Variants in RNF130 observed in about 807,000 individuals in gnomAD.
RNF130 encodes the protein ring finger protein 130, also known as E3 ubiquitin-protein ligase RNF130.
Under a neutral mutation model 44.6 loss-of-function variants are expected in RNF130, and 21 were observed. That is an observed-to-expected ratio of 0.47 (90% confidence interval 0.33 to 0.68). RNF130 has a LOEUF of 0.68. RNF130 is among the 30% of genes least tolerant of loss of function. RNF130 has a pLI of 0.02. For missense variants in RNF130, 479 were observed against 560.6 expected (o/e 0.85, Z 1.47); for synonymous variants, 214 against 210.4 (o/e 1.02, Z -0.15).
At chr5:180,021,279 C>T (rs567962564) in intron 2 of RNF130, among the ~76,000 whole-genome samples, 35 of 152,270 alleles carry the variant, frequency 2.3e-4, no homozygotes, top group African/African-American at 7.7e-4. Context: ...TGAGCCACTG[C>T]GCCTGGCCAA....
chr5:179,941,521 T>C (rs1235374083), intron 7 of RNF130, among the ~76,000 whole-genome samples: 1 of 152,078 alleles, frequency 6.6e-6, no homozygotes, highest in African/African-American at 2.4e-5. Context: ...CCGAGTTTCA[T>C]CTCACAAGCC....
At chr5:179,938,905 G>A (rs935024708) in intron 7 of RNF130, among the ~76,000 whole-genome samples, 3 of 152,070 alleles carry the variant, frequency 2.0e-5, no homozygotes, top group Non-Finnish European at 4.4e-5. Flanking sequence ...GTACAATCTT[G>A]TCCTACCACT....
chr5:179,940,405 G>A (rs1761955293), intron 7 of RNF130, among the ~76,000 whole-genome samples: 1 of 151,914 alleles, frequency 6.6e-6, no homozygotes, highest in Admixed American at 6.6e-5. Context: ...ATTTTTAGTA[G>A]AGATGGGGTT....
intron 4 of RNF130, among the ~76,000 whole-genome samples, chr5:179,979,101 A>G (rs1762774947): frequency 6.6e-6 from 1 of 151,934 alleles, no homozygotes; most frequent in Non-Finnish European, 1.5e-5. Flanking sequence ...ACAAAGTCAG[A>G]TGGGTAGGTT....
At chr5:179,963,623 G>A in intron 7 of RNF130, 59 bp from the exon 8 acceptor site, 1 of 1,192,272 alleles carries the variant, frequency 8.4e-7, no homozygotes, top group African/African-American at 1.5e-5. Flanking sequence ...TCAAATCGAT[G>A]CCAACATTTC....
At chr5:180,015,234 G>A (rs200792842) in intron 2 of RNF130, 106 of 448,808 alleles carry the variant, frequency 2.4e-4, no homozygotes, top group Non-Finnish European at 3.8e-4. Context: ...ACAAAATAAT[G>A]CTAAACCGCT....
At chr5:180,006,622 T>A (rs904662344) in intron 3 of RNF130, among the ~76,000 whole-genome samples, 5 of 152,238 alleles carry the variant, frequency 3.3e-5, no homozygotes, top group Non-Finnish European at 7.3e-5. Flanking sequence ...CAGGAGTCCA[T>A]TAAGTGGCAG....
intron 2 of RNF130, among the ~76,000 whole-genome samples, chr5:180,034,478 A>C (rs1764204188): frequency 6.6e-6 from 1 of 152,220 alleles, no homozygotes; most frequent in Non-Finnish European, 1.5e-5. Context: ...TGCACCAGCG[A>C]ATTTCATGGG....
intron 5 of RNF130, among the ~76,000 whole-genome samples, chr5:179,975,190 G>A (rs149534138): frequency 2.1e-4 from 32 of 152,384 alleles, no homozygotes; most frequent in Admixed American, 1.2e-3. Context: ...CAATAGGGGC[G>A]GGGAGGCGTC....
At chr5:180,061,285 A>C (rs1440242656) in intron 1 of RNF130, among the ~76,000 whole-genome samples, 1 of 152,130 alleles carries the variant, frequency 6.6e-6, no homozygotes, top group Non-Finnish European at 1.5e-5. Flanking sequence ...AAACCACAAC[A>C]ACTGACGTGA....
In RNF130 at chr5:179,977,784, G is replaced by A. The variant is rs1361226822; in HGVS notation, c.848+419C>T. ...GGAGAATGGCATGAACCCAGGAGGCGGAGCTTGCAGTGAGCCGAGATTGCG... is the reference window on the plus strand; with the variant it reads ...GGAGAATGGCATGAACCCAGGAGGCAGAGCTTGCAGTGAGCCGAGATTGCG... On this transcript the variant is annotated intron_variant, in intron 5 of 8. Transcript: ENST00000521389. This position sits in a 1 kb window ranked among gnomAD's most constrained non-coding sequence, Gnocchi z 4.1. 1.3e-5 allele frequency among the ~76,000 whole-genome samples: 2 copies of A among 152,166 alleles called. No homozygotes were observed. Among genetic ancestry groups the A allele is most frequent in the African/African-American group, 2.4e-5 (1 of 41,444 alleles).
chr5:180,015,804 C>A (rs931197273), intron 2 of RNF130, among the ~76,000 whole-genome samples: 1 of 150,892 alleles, frequency 6.6e-6, no homozygotes, highest in Non-Finnish European at 1.5e-5. Context: ...CCAAGGAAAC[C>A]AATCCATGTG....
chr5:179,969,153 T>C (rs1421097630), intron 6 of RNF130, among the ~76,000 whole-genome samples: 9 of 152,196 alleles, frequency 5.9e-5, no homozygotes, highest in African/African-American at 2.2e-4. Flanking sequence ...CCAGAAACTA[T>C]GTTATTTTCC....
At chr5:180,061,381 C>T (rs772665362) in intron 1 of RNF130, among the ~76,000 whole-genome samples, 61 of 152,318 alleles carry the variant, frequency 4.0e-4, no homozygotes, top group African/African-American at 1.1e-3. Context: ...CTGTGTTCAA[C>T]GCTGGGATTC....
intron 2 of RNF130, among the ~76,000 whole-genome samples, chr5:180,030,045 A>C (rs1404292943): frequency 6.6e-6 from 1 of 151,786 alleles, no homozygotes; most frequent in Non-Finnish European, 1.5e-5. Flanking sequence ...ATGAGGTTTC[A>C]TCATGTTGGC....
chr5:179,988,928 T>C (rs1763015223), intron 3 of RNF130, among the ~76,000 whole-genome samples: 1 of 152,212 alleles, frequency 6.6e-6, no homozygotes, highest in South Asian at 2.1e-4. Flanking sequence ...AATCCAAGTA[T>C]TCTGTTAATT....
At chr5:179,969,551 T>A (rs562127997) in intron 6 of RNF130, among the ~76,000 whole-genome samples, 3 of 152,128 alleles carry the variant, frequency 2.0e-5, no homozygotes, top group South Asian at 4.1e-4. Context: ...CCCATACTCA[T>A]CGACCAACAG....
intron 3 of RNF130, among the ~76,000 whole-genome samples, chr5:180,008,399 G>C (rs893168739): frequency 6.6e-6 from 1 of 152,042 alleles, no homozygotes; most frequent in African/African-American, 2.4e-5. Flanking sequence ...TGTGCCCACT[G>C]GTCTAATTAA....
At chr5:180,064,277 G>T (rs913724846) in intron 1 of RNF130, among the ~76,000 whole-genome samples, 1 of 152,084 alleles carries the variant, frequency 6.6e-6, no homozygotes, top group Non-Finnish European at 1.5e-5. Flanking sequence ...CTTCTCAAAT[G>T]AGAAAAAATA....
Sources: gnomAD v4.1 joint callset for allele counts (sites outside exome capture counted in the v4.1 genomes callset) on GRCh38, gnomAD v4.1.1 for gene constraint, Gnocchi (gnomAD v3.1) non-coding constraint, MANE v1.5 for transcripts, NCBI Gene and HGNC (gene_info 2026-07-23, HGNC 2026-07-21) for gene names.